REXO5: variants seen among roughly 807,000 people sequenced by gnomAD.
REXO5 encodes exonuclease NEF-sp.
In REXO5, 48 loss-of-function variants were observed where a neutral mutation model predicts 88.5. That is an observed-to-expected ratio of 0.54 (90% CI 0.43 to 0.69). The LOEUF (loss-of-function observed/expected upper bound fraction) is 0.69, where lower values mean the gene tolerates loss of function less well. Ranked by LOEUF, REXO5 falls within the 30% of genes least tolerant of loss-of-function variation. The pLI, the probability that REXO5 is intolerant of heterozygous loss-of-function variation, is 0.00. For missense variants in REXO5, 749 were observed against 912.2 expected, an observed-to-expected ratio of 0.82 and a Z score of 2.30; for synonymous variants, 311 against 336.5, an observed-to-expected ratio of 0.92 and a Z score of 0.83.
At chr16:20,814,090 T>G (rs555590222) in intron 3 of REXO5, among the ~76,000 whole-genome samples, 88 of 139,810 alleles carry the variant, frequency 6.3e-4, no homozygotes, top group South Asian at 5.9e-3. Flanking sequence ...TCTAAAACTG[T>G]TTTTTTTTTT....
chr16:20,849,611 A>G lies in REXO5; in HGVS notation c.*131A>G. 4.0e-6 allele frequency: 3 copies of G among 742,646 alleles called. No individual in the cohort carries two copies. Among genetic ancestry groups the G allele is most frequent in the Non-Finnish European group, 6.9e-6 (3 of 434,342 alleles). 46.0% of individuals were successfully genotyped at this position (742,646 alleles called of 1,614,324 possible). On this transcript the variant is annotated 3_prime_UTR_variant, in exon 20 of 20. Coordinates refer to ENST00000261377, the MANE Select transcript of REXO5 (RefSeq NM_030941.3). ...CTTGGTATAGCAGCTAAAAGAGTTT[A>G]GTTTGTTTATATGGCATGTATAAGT...
intron 4 of REXO5, 81 bp downstream of exon 4, chr16:20,815,134 CT>C: frequency 1.4e-6 from 2 of 1,448,752 alleles, no homozygotes; most frequent in Non-Finnish European, 1.9e-6. Flanking sequence ...GACCATGCTC[CT>C]TGGCAACCTA....
intron 5 of REXO5, among the ~76,000 whole-genome samples, chr16:20,817,973 T>C (rs1312891996): frequency 6.6e-6 from 1 of 152,240 alleles, no homozygotes; most frequent in Admixed American, 6.5e-5. Flanking sequence ...GGTCTCTTCA[T>C]ATTCCCTCTT....
chr16:20,835,880 G>A (rs572887499), intron 13 of REXO5, among the ~76,000 whole-genome samples: 11 of 151,910 alleles, frequency 7.2e-5, no homozygotes, highest in African/African-American at 2.4e-4. Context: ...AAACACTGTC[G>A]CTACAAAAAA....
intron 2 of REXO5, among the ~76,000 whole-genome samples, chr16:20,809,659 G>A (rs566626088): frequency 6.6e-6 from 1 of 152,338 alleles, no homozygotes; most frequent in African/African-American, 2.4e-5. Flanking sequence ...CATTATTGGT[G>A]ATATTAACCT....
Position 20,806,639 on chromosome 16 carries a change from C to G in REXO5, c.-69C>G, listed in dbSNP as rs1031292557. 1.5e-5 allele frequency: 19 copies of G among 1,234,948 alleles called. No homozygotes were observed. The highest frequency in any genetic ancestry group is 1.8e-5 in the Non-Finnish European group (17 of 919,476). The allele number at this position is 1,234,948 out of a possible 1,614,324, so 76.5% of individuals were successfully genotyped here. ...AGTGGTTTTAGGCGGCGAAGCCGCT[C>G]GGCAGCACCTTCCTTCTTTGCCAGG... On this transcript the variant is annotated 5_prime_UTR_variant, in exon 1 of 20. Transcript: ENST00000261377.
At chr16:20,837,623 A>G (rs554302321) in intron 13 of REXO5, among the ~76,000 whole-genome samples, 2 of 151,898 alleles carry the variant, frequency 1.3e-5, no homozygotes, top group South Asian at 2.1e-4. Context: ...TTGCTTTTTC[A>G]TATCCTCAAA....
At chr16:20,817,341 G>A (rs2081096460) in intron 5 of REXO5, among the ~76,000 whole-genome samples, 1 of 152,178 alleles carries the variant, frequency 6.6e-6, no homozygotes, top group South Asian at 2.1e-4. Flanking sequence ...TTAAATCACA[G>A]AGTAATCATT....
At chr16:20,828,384 G>A in intron 10 of REXO5, 51 bp from the exon 11 acceptor site, 1 of 1,071,190 alleles carries the variant, frequency 9.3e-7, no homozygotes, top group Non-Finnish European at 1.5e-6. Flanking sequence ...GGTTGAAAAA[G>A]CCTATCATTA....
chr16:20,842,630 A>C (rs1252115712), intron 15 of REXO5, among the ~76,000 whole-genome samples: 1 of 151,754 alleles, frequency 6.6e-6, no homozygotes, highest in Non-Finnish European at 1.5e-5. Context: ...CGCCTGGCTA[A>C]TTTTTTGTAA....
Position 20,807,073 on chromosome 16 carries a change from G to C in REXO5, c.120G>C (p.Glu40Asp). The C allele has an allele frequency of 6.2e-7, 1 of 1,603,936 alleles. No individual in the cohort carries two copies. The highest frequency in any genetic ancestry group is 8.5e-7 in the Non-Finnish European group (1 of 1,176,188). ...TGAAAGCCGGTTGGGATCTCGAGGA[G>C]AGTCAGCCCGAGGCCAAGGTGAGCA... ...EAMKAGWDLE[E>D]SQPEAKKARL... The change falls in exon 2 of 20, where the codon GAG (glutamate) becomes GAC (aspartate). Residue 40 changes from glutamate to aspartate, a missense_variant. Glu to Asp is a conservative substitution (Grantham distance 45). Coordinates refer to ENST00000261377, the MANE Select transcript of REXO5 (RefSeq NM_030941.3).
At chr16:20,849,345 C>CCATT in intron 19 of REXO5, 54 bp from the exon 20 acceptor site, 2 of 1,501,798 alleles carry the variant, frequency 1.3e-6, no homozygotes, top group Non-Finnish European at 1.9e-6. Flanking sequence ...GCATTTATAA[C>CCATT]CATTCATTCA....
At chr16:20,830,990 G>GTTTTTTTT (rs11337519) in intron 11 of REXO5, among the ~76,000 whole-genome samples, 9 of 97,056 alleles carry the variant, frequency 9.3e-5, no homozygotes, top group East Asian at 2.9e-4. Context: ...TTCTTTTTCT[G>GTTTTTTTT]TTTTTTTTTT....
At position 20,806,582 on chromosome 16, in the gene REXO5, C is replaced by T; in HGVS notation, c.-126C>T. ...AACCTCTGCTCCCCGCCCGTCTTCTCTTCTGCGTTTCCCGGGCTAGGGGGC... is the reference window on the plus strand; with the variant it reads ...AACCTCTGCTCCCCGCCCGTCTTCTTTTCTGCGTTTCCCGGGCTAGGGGGC... On this transcript the variant is annotated 5_prime_UTR_variant, in exon 1 of 20. Transcript: ENST00000261377. 3 of 1,457,876 alleles carry T rather than the reference C, an allele frequency of 2.1e-6. No individual in the cohort carries two copies. The highest frequency in any genetic ancestry group is 4.8e-5 in the Admixed American group (2 of 41,500). 90.3% of individuals were successfully genotyped at this position (1,457,876 alleles called of 1,614,324 possible).
chr16:20,846,215 TC>T lies in REXO5; in HGVS notation c.2125-3del. 1 of 1,612,156 alleles carries T rather than the reference TC, an allele frequency of 6.2e-7. No homozygotes were observed. The highest frequency in any genetic ancestry group is 8.5e-7 in the Non-Finnish European group (1 of 1,178,372). ...GCTGAGTATCGACACATGGCTTTGATCCCAGACTCTGAAACTGGACCACCCG... is the reference window on the plus strand; with the variant it reads ...GCTGAGTATCGACACATGGCTTTGATCCAGACTCTGAAACTGGACCACCCG... On this transcript the variant is annotated splice_region_variant and splice_polypyrimidine_tract_variant and intron_variant, in intron 18 of 19. Coordinates refer to ENST00000261377, the MANE Select transcript of REXO5 (RefSeq NM_030941.3).
chr16:20,830,472 A>G lies in REXO5; in HGVS notation c.1159-1684A>G, dbSNP rs889611834. 7.9e-5 allele frequency among the ~76,000 whole-genome samples: 12 copies of G among 152,030 alleles called. No individual in the cohort carries two copies. The South Asian group carries it at 1.0e-3, about 13-fold the overall frequency. ...CAGCCTCCCAAAGTGCTGGGATTAC[A>G]GGCATGAGTCACTGTGCCTGGCCCA... On this transcript the variant is annotated intron_variant, in intron 11 of 19. Transcript: ENST00000261377.
intron 2 of REXO5, chr16:20,808,901 T>C (rs2080954604): frequency 6.6e-6 from 1 of 151,626 alleles, no homozygotes; most frequent in Non-Finnish European, 1.5e-5. Flanking sequence ...CTGCTTTTTT[T>C]TGTTTTTTTT....
chr16:20,811,950 G>T (rs1354071495), intron 2 of REXO5, among the ~76,000 whole-genome samples: 2 of 152,092 alleles, frequency 1.3e-5, no homozygotes, highest in Admixed American at 6.5e-5. Context: ...TATGGCACTG[G>T]TCCAAGATGA....
intron 11 of REXO5, among the ~76,000 whole-genome samples, chr16:20,831,622 T>G (rs2081346642): frequency 6.6e-6 from 1 of 152,184 alleles, no homozygotes. Flanking sequence ...ATTTGTAACT[T>G]TAAAAATTAT....
Sources: allele counts gnomAD v4.1 joint callset (sites outside exome capture counted in the v4.1 genomes callset), GRCh38; gene constraint gnomAD v4.1.1; transcripts MANE v1.5; gene names NCBI Gene and HGNC (gene_info 2026-07-23, HGNC 2026-07-21).